MPRIP: variants seen among roughly 807,000 people sequenced by gnomAD.
MPRIP encodes the protein myosin phosphatase Rho interacting protein.
MPRIP carries 59 observed loss-of-function variants against 234.9 expected under a neutral mutation model. That is an observed-to-expected ratio of 0.25 (90% confidence interval 0.20 to 0.31). The LOEUF is 0.31. MPRIP is among the 10% of genes least tolerant of loss of function. The pLI is 1.00. For missense variants in MPRIP, 2,436 were observed against 3,071.0 expected, an observed-to-expected ratio of 0.79 and a Z score of 4.89; for synonymous variants, 1,144 against 1,263.9, an observed-to-expected ratio of 0.91 and a Z score of 2.01.
At chr17:17,107,485 C>G (rs2144258553) in intron 3 of MPRIP, among the ~76,000 whole-genome samples, 1 of 152,240 alleles carries the variant, frequency 6.6e-6, no homozygotes, top group East Asian at 1.9e-4. Flanking sequence ...TTGGGGCTGG[C>G]AGGTGCCTTG....
chr17:17,155,622 C>T (rs1258851136), intron 13 of MPRIP, among the ~76,000 whole-genome samples: 1 of 152,226 alleles, frequency 6.6e-6, no homozygotes, highest in Non-Finnish European at 1.5e-5. Flanking sequence ...GAAAGAACTC[C>T]TAAATTGATT....
intron 3 of MPRIP, among the ~76,000 whole-genome samples, chr17:17,101,545 G>A (rs929424277): frequency 5.9e-5 from 9 of 152,020 alleles, no homozygotes; most frequent in African/African-American, 2.2e-4. Flanking sequence ...ACTCCAGCCT[G>A]GGCAACAAGA....
chr17:17,101,873 G>T (rs143429087), intron 3 of MPRIP, among the ~76,000 whole-genome samples: 29 of 152,262 alleles, frequency 1.9e-4, no homozygotes, highest in African/African-American at 5.8e-4. Flanking sequence ...AAGCCTGCCT[G>T]CCTTGGCTCT....
At chr17:17,179,098 G>T (rs1029918469) in intron 22 of MPRIP, among the ~76,000 whole-genome samples, 62 of 152,012 alleles carry the variant, frequency 4.1e-4, no homozygotes, top group African/African-American at 1.5e-3. Context: ...GGTGGATCAC[G>T]AGGTCAGGAA....
chr17:17,161,558 C>T (rs181415923), intron 15 of MPRIP, among the ~76,000 whole-genome samples: 1 of 152,294 alleles, frequency 6.6e-6, no homozygotes, highest in Non-Finnish European at 1.5e-5. Context: ...CCTGATATGA[C>T]ATTTTGGGGA....
At chr17:17,051,284 G>A (rs2088532650) in intron 1 of MPRIP, among the ~76,000 whole-genome samples, 1 of 152,242 alleles carries the variant, frequency 6.6e-6, no homozygotes, top group Admixed American at 6.5e-5. Flanking sequence ...CTTGAAAGAG[G>A]GAGAGAGTGT....
chr17:17,131,603 T>G lies in MPRIP; in HGVS notation c.420-14T>G. On this transcript the variant is annotated splice_polypyrimidine_tract_variant and intron_variant, in intron 4 of 23. Transcript: ENST00000651222. ...AGGGTCTTACCTGGTACTTGTCTCCTTTTCTCTTCCCAGGTGGCTGGAGAT... is the reference window on the plus strand; with the variant it reads ...AGGGTCTTACCTGGTACTTGTCTCCGTTTCTCTTCCCAGGTGGCTGGAGAT... 1 of 1,613,304 alleles carries G rather than the reference T, an allele frequency of 6.2e-7. No individual in the cohort carries two copies. The highest frequency in any genetic ancestry group is 8.5e-7 in the Non-Finnish European group (1 of 1,179,288).
intron 3 of MPRIP, among the ~76,000 whole-genome samples, chr17:17,106,482 G>T (rs1597812385): frequency 6.6e-6 from 1 of 152,314 alleles, no homozygotes; most frequent in Non-Finnish European, 1.5e-5. Flanking sequence ...TCTGGAGCCT[G>T]CCCTCCACAG....
chr17:17,174,137 TAGTC>T, intron 19 of MPRIP, 62 bp downstream of exon 19: 1 of 1,574,250 alleles, frequency 6.4e-7, no homozygotes, highest in Non-Finnish European at 8.7e-7. Flanking sequence ...GGTAGACCCA[TAGTC>T]AGGTGAGTCC....
rs1052978014 is a variant in MPRIP, at chr17:17,064,351, G to T, written c.124-11359G>T. Among the ~76,000 whole-genome samples, 4 of 152,132 alleles carry T rather than the reference G, an allele frequency of 2.6e-5. 1 individual carries two copies. Among genetic ancestry groups the T allele is most frequent in the African/African-American group, 9.6e-5 (4 of 41,492 alleles). On this transcript the variant is annotated intron_variant, in intron 1 of 23. Transcript: ENST00000651222. The stretch of plus-strand genomic sequence containing the variant: ...CAAGTAGCTGGGACTACAGGTGCGT[G>T]CCACTGTTTTTCCTTTTTTATTAAA...
At chr17:17,179,708 T>G in intron 22 of MPRIP, 1 of 283,618 alleles carries the variant, frequency 3.5e-6, no homozygotes, top group South Asian at 3.9e-5. Flanking sequence ...CACACCAGAG[T>G]GAGGGGACCA....
intron 3 of MPRIP, among the ~76,000 whole-genome samples, chr17:17,091,091 C>A (rs1348820610): frequency 8.6e-6 from 1 of 115,948 alleles, no homozygotes; most frequent in Non-Finnish European, 1.8e-5. Context: ...ATCTCGGGGG[C>A]GGTTGGGGAG....
intron 8 of MPRIP, among the ~76,000 whole-genome samples, 173 bp downstream of exon 8, chr17:17,142,938 C>T (rs568778596): frequency 5.3e-5 from 8 of 152,284 alleles, no homozygotes; most frequent in South Asian, 2.1e-4. Flanking sequence ...CCTGCAGCTT[C>T]ATATCAGAGC....
intron 1 of MPRIP, among the ~76,000 whole-genome samples, chr17:17,069,777 C>T (rs1202868489): frequency 1.3e-5 from 2 of 152,142 alleles, no homozygotes; most frequent in African/African-American, 4.8e-5. Flanking sequence ...TTGCTTTAGT[C>T]ACGAAACAGA....
chr17:17,170,301 G>A (rs1864917796), intron 16 of MPRIP: 1 of 151,962 alleles, frequency 6.6e-6, no homozygotes, highest in Non-Finnish European at 1.5e-5. Flanking sequence ...TCAACCTTGG[G>A]GCCTGAGGAC....
At chr17:17,102,695 A>C (rs1249947684) in intron 3 of MPRIP, among the ~76,000 whole-genome samples, 1 of 151,654 alleles carries the variant, frequency 6.6e-6, no homozygotes, top group African/African-American at 2.4e-5. Context: ...GGTACCCCTC[A>C]CTCTGTGGCC....
At chr17:17,131,741 G>A (rs368382610) in intron 5 of MPRIP, 40 bp downstream of exon 5, 2 of 1,587,156 alleles carry the variant, frequency 1.3e-6, no homozygotes, top group East Asian at 4.5e-5. Context: ...CCTCAGTGGA[G>A]CCAGGGCTTG....
At chr17:17,156,027 C>A (rs114038939) in intron 13 of MPRIP, among the ~76,000 whole-genome samples, 4 of 152,360 alleles carry the variant, frequency 2.6e-5, no homozygotes, top group Non-Finnish European at 5.9e-5. Flanking sequence ...GAGCTTATCA[C>A]GGGGGTCCAG....
rs2089395714 is a variant in MPRIP at position 17,078,819 on chromosome 17, T to C, written c.267+743T>C. On this transcript the variant is annotated intron_variant, in intron 3 of 23. Coordinates refer to ENST00000651222, the MANE Select transcript of MPRIP (RefSeq NM_001364716.4). The surrounding 1 kb of genome is among the most constrained non-coding windows in gnomAD (Gnocchi z 4.3). ...TCTAAAGTAGGACTGCATTCCAAACTTTGTAAAGGGTTGAAGATGCGAGAT... is the reference window on the plus strand; with the variant it reads ...TCTAAAGTAGGACTGCATTCCAAACCTTGTAAAGGGTTGAAGATGCGAGAT... 6.6e-6 allele frequency among the ~76,000 whole-genome samples: 1 copy of C among 152,214 alleles called. No individual in the cohort carries two copies. The highest frequency in any genetic ancestry group is 6.5e-5 in the Admixed American group (1 of 15,276).
Sources: allele counts gnomAD v4.1 joint callset (sites outside exome capture counted in the v4.1 genomes callset), GRCh38; gene constraint gnomAD v4.1.1; non-coding constraint Gnocchi (gnomAD v3.1); transcripts MANE v1.5; gene names NCBI Gene and HGNC (gene_info 2026-07-23, HGNC 2026-07-21).